Variants in DIP2C observed in about 807,000 individuals in gnomAD.
DIP2C encodes disco-interacting protein 2 homolog C.
A neutral mutation model predicts 192.4 loss-of-function variants in DIP2C; 33 were observed. That is an observed-to-expected ratio of 0.17 (90% CI 0.13 to 0.23). DIP2C has a LOEUF of 0.23. Among genes scored for constraint, DIP2C ranks in the 10% least tolerant of loss-of-function variants. DIP2C has a pLI of 1.00. For synonymous variants in DIP2C, 979 were observed against 864.1 expected, an observed-to-expected ratio of 1.13 and a Z score of -2.33; for missense variants, 1,537 against 2,110.1, an observed-to-expected ratio of 0.73 and a Z score of 5.32.
chr10:555,639 C>T (rs1016475886), intron 1 of DIP2C, among the ~76,000 whole-genome samples: 4 of 152,178 alleles, frequency 2.6e-5, no homozygotes, highest in African/African-American at 9.7e-5. Flanking sequence ...TGGGGACCAG[C>T]CACGTGAGGG....
At chr10:456,688 C>T (rs985205553) in intron 3 of DIP2C, among the ~76,000 whole-genome samples, 3 of 152,196 alleles carry the variant, frequency 2.0e-5, no homozygotes, top group African/African-American at 2.4e-5. Context: ...CCACGGCCAC[C>T]GTTTGTCTCC....
intron 1 of DIP2C, among the ~76,000 whole-genome samples, chr10:499,666 G>A (rs770653888): frequency 1.3e-5 from 2 of 152,176 alleles, no homozygotes; most frequent in African/African-American, 2.4e-5. Flanking sequence ...TCCCAATCGC[G>A]AGGACAGCAT....
intron 1 of DIP2C, among the ~76,000 whole-genome samples, chr10:683,521 G>A (rs1317406742): frequency 2.0e-5 from 3 of 152,208 alleles, no homozygotes; most frequent in African/African-American, 7.2e-5. Flanking sequence ...ACACCCACAA[G>A]ATAGAGTGGT....
chr10:485,039 G>A lies in DIP2C; in HGVS notation c.157+1420C>T. ...TGAGCAGAGCTGCCGACCCCATGCAGGACAGCACACAGACCACCAAGGGGA... is the reference window on the plus strand; with the variant it reads ...TGAGCAGAGCTGCCGACCCCATGCAAGACAGCACACAGACCACCAAGGGGA... On this transcript the variant is annotated intron_variant, in intron 2 of 36. Transcript: ENST00000280886. The A allele has an allele frequency of 6.2e-6, 9 of 1,441,686 alleles. No individual in the cohort carries two copies. The South Asian group carries it at 1.2e-4, about 20-fold the overall frequency. The allele number at this position is 1,441,686 out of a possible 1,614,324, so 89.3% of individuals were successfully genotyped here.
At chr10:464,024 C>T (rs184842381) in intron 3 of DIP2C, among the ~76,000 whole-genome samples, 309 of 152,244 alleles carry the variant, frequency 2.0e-3, no homozygotes, top group Non-Finnish European at 3.7e-3. Flanking sequence ...AAACGTAAGA[C>T]GTAAAACCAT....
intron 29 of DIP2C, among the ~76,000 whole-genome samples, chr10:332,591 G>A (rs910096525): frequency 6.6e-6 from 1 of 152,220 alleles, no homozygotes; most frequent in Non-Finnish European, 1.5e-5. Flanking sequence ...ACCTACTTAA[G>A]AGCAGGTTGC....
chr10:536,478 TC>T (rs1847703318), intron 1 of DIP2C, among the ~76,000 whole-genome samples: 1 of 151,976 alleles, frequency 6.6e-6, no homozygotes, highest in East Asian at 1.9e-4. Context: ...AAGACCCTGT[TC>T]CCCATAGGGA....
intron 2 of DIP2C, among the ~76,000 whole-genome samples, chr10:480,798 G>T (rs1466203109): frequency 6.6e-6 from 1 of 152,224 alleles, no homozygotes. Context: ...GCAGCTAAGC[G>T]TGGTACCCTG....
At chr10:405,716 T>C (rs749289996) in intron 9 of DIP2C, among the ~76,000 whole-genome samples, 1 of 152,304 alleles carries the variant, frequency 6.6e-6, no homozygotes, top group Non-Finnish European at 1.5e-5. Flanking sequence ...GATACTTCAC[T>C]GTACCTAATT....
chr10:391,018 G>A (rs1336384230), intron 10 of DIP2C, among the ~76,000 whole-genome samples, 155 bp from the exon 11 acceptor site: 3 of 152,110 alleles, frequency 2.0e-5, no homozygotes, highest in African/African-American at 7.2e-5. Context: ...ACCCTGAACA[G>A]GTGAGACTGC....
intron 1 of DIP2C, among the ~76,000 whole-genome samples, chr10:556,459 G>A (rs1182707098): frequency 6.9e-6 from 1 of 145,568 alleles, no homozygotes; most frequent in African/African-American, 2.6e-5. Context: ...ACCTTCCCAA[G>A]AGGGGGATCC....
At chr10:526,795 T>TC (rs1847082576) in intron 1 of DIP2C, among the ~76,000 whole-genome samples, 1 of 152,172 alleles carries the variant, frequency 6.6e-6, no homozygotes, top group South Asian at 2.1e-4. Context: ...GCCTCTTCTT[T>TC]CCTCCGTCCC....
At chr10:532,668 TGAGAGAGA>T (rs10546313) in intron 1 of DIP2C, among the ~76,000 whole-genome samples, 7,932 of 84,084 alleles carry the variant, frequency 0.094, 383 homozygotes, top group Non-Finnish European at 0.12. Context: ...AGTATGGGTG[TGAGAGAGA>T]GTATGGGTGT....
chr10:618,753 C>T (rs932162139), intron 1 of DIP2C, among the ~76,000 whole-genome samples: 1 of 152,174 alleles, frequency 6.6e-6, no homozygotes, highest in Non-Finnish European at 1.5e-5. Context: ...TGGGACAATA[C>T]CCCGTGACCT....
At chr10:469,455 T>C (rs1055905465) in intron 3 of DIP2C, among the ~76,000 whole-genome samples, 3 of 151,952 alleles carry the variant, frequency 2.0e-5, no homozygotes, top group African/African-American at 7.2e-5. Context: ...TAGCTGGGAT[T>C]ACAGGCATGC....
chr10:565,423 C>T (rs1423298518), intron 1 of DIP2C, among the ~76,000 whole-genome samples: 1 of 149,742 alleles, frequency 6.7e-6, no homozygotes, highest in Non-Finnish European at 1.5e-5. Context: ...CTTTCAAAAC[C>T]ACACATCTCA....
chr10:569,004 A>AG (rs1849619065), intron 1 of DIP2C, among the ~76,000 whole-genome samples: 1 of 152,102 alleles, frequency 6.6e-6, no homozygotes. Flanking sequence ...TTCCAGCATG[A>AG]GGGCAGCGGC....
At chr10:679,763 C>T (rs187779579) in intron 1 of DIP2C, among the ~76,000 whole-genome samples, 1 of 152,136 alleles carries the variant, frequency 6.6e-6, no homozygotes, top group Non-Finnish European at 1.5e-5. Flanking sequence ...TGCCCATGAT[C>T]CCCGCACCCG....
At chr10:662,119 G>A (rs1856797263) in intron 1 of DIP2C, 4 of 717,372 alleles carry the variant, frequency 5.6e-6, no homozygotes, top group Non-Finnish European at 7.8e-6. Flanking sequence ...TATCTGACAG[G>A]TAAGGACTTC....
Sources: allele counts gnomAD v4.1 joint callset (sites outside exome capture counted in the v4.1 genomes callset), GRCh38; gene constraint gnomAD v4.1.1; transcripts MANE v1.5; gene names NCBI Gene and HGNC (gene_info 2026-07-23, HGNC 2026-07-21).